VWA8: variants seen among roughly 807,000 people sequenced by gnomAD.
VWA8 encodes von Willebrand factor A domain containing 8, also known as von Willebrand factor A domain-containing protein 8.
VWA8 carries 221 observed loss-of-function variants against 241.5 expected under a neutral mutation model. That is an observed-to-expected ratio of 0.91 (90% CI 0.82 to 1.02). The LOEUF (loss-of-function observed/expected upper bound fraction) is 1.02, where lower values mean the gene tolerates loss of function less well. VWA8 is among the 50% of genes least tolerant of loss of function. The pLI is 0.00. For missense variants in VWA8, 2,322 were observed against 2,328.7 expected, an observed-to-expected ratio of 1.00 and a Z score of 0.06; for synonymous variants, 852 against 827.1, an observed-to-expected ratio of 1.03 and a Z score of -0.52.
chr13:41,641,514 G>A (rs1264293178), intron 37 of VWA8, among the ~76,000 whole-genome samples: 4 of 151,474 alleles, frequency 2.6e-5, no homozygotes, highest in Non-Finnish European at 5.9e-5. Context: ...TACATAGTAT[G>A]TCTGGAGTTC....
chr13:41,794,222 T>C (rs1869586891), intron 17 of VWA8, among the ~76,000 whole-genome samples: 1 of 152,210 alleles, frequency 6.6e-6, no homozygotes. Flanking sequence ...ATAAATTACT[T>C]TGGGAAGTAT....
chr13:41,739,855 T>G (rs1286349667), intron 21 of VWA8, among the ~76,000 whole-genome samples: 4 of 59,718 alleles, frequency 6.7e-5, no homozygotes, highest in East Asian at 5.0e-4. Flanking sequence ...TTTGTTTTTT[T>G]TGTTTTTTTT....
chr13:41,617,699 C>T (rs1046059963), intron 37 of VWA8, among the ~76,000 whole-genome samples: 1 of 151,902 alleles, frequency 6.6e-6, no homozygotes, highest in African/African-American at 2.4e-5. Context: ...TCCAAGTGTT[C>T]TCATTGTTCA....
At position 41,961,091 on chromosome 13, in the gene VWA8, G is replaced by C; in HGVS notation, c.-76C>G. 6 of 1,281,066 alleles carry C rather than the reference G, an allele frequency of 4.7e-6. No homozygotes were observed. The highest frequency in any genetic ancestry group is 6.0e-6 in the Non-Finnish European group (6 of 996,278). The allele number at this position is 1,281,066 out of a possible 1,614,324, so 79.4% of individuals were successfully genotyped here. A position where few individuals can be genotyped will look rare whatever the true frequency, so the allele number is the denominator to read the frequency against. On this transcript the variant is annotated 5_prime_UTR_variant, in exon 1 of 45. Coordinates refer to ENST00000379310, the MANE Select transcript of VWA8 (RefSeq NM_015058.2). ...CGTCCCGTGCAGGCACCGTGAGGCAGCGCGGAGAAGGGGACAGGAAGCGGC... is the reference window on the plus strand; with the variant it reads ...CGTCCCGTGCAGGCACCGTGAGGCACCGCGGAGAAGGGGACAGGAAGCGGC...
intron 20 of VWA8, among the ~76,000 whole-genome samples, chr13:41,770,979 GA>G (rs985742975): frequency 6.7e-6 from 1 of 148,554 alleles, no homozygotes; most frequent in Non-Finnish European, 1.5e-5. Flanking sequence ...AAATGATTGT[GA>G]ATTATTAATT....
chr13:41,696,698 A>G (rs2045217686), intron 29 of VWA8, among the ~76,000 whole-genome samples: 1 of 152,244 alleles, frequency 6.6e-6, no homozygotes. Context: ...AATCTCTTAC[A>G]TGTTATGTCA....
intron 10 of VWA8, among the ~76,000 whole-genome samples, chr13:41,867,326 T>C (rs566844804): frequency 2.0e-5 from 3 of 152,282 alleles, no homozygotes; most frequent in South Asian, 2.1e-4. Context: ...CTTCTCCATA[T>C]CCCCAGTCAT....
chr13:41,901,893 T>TAC (rs1875464195), intron 4 of VWA8, among the ~76,000 whole-genome samples: 1 of 78,930 alleles, frequency 1.3e-5, no homozygotes, highest in African/African-American at 4.3e-5. Context: ...AAAAAAAATA[T>TAC]ATATATATAT....
intron 1 of VWA8, among the ~76,000 whole-genome samples, chr13:41,959,565 G>C (rs1174259273): frequency 7.3e-6 from 1 of 136,642 alleles, no homozygotes; most frequent in East Asian, 2.2e-4. Context: ...GGTGGTGTAT[G>C]TCTTCAATGA....
chr13:41,947,003 C>T (rs544975728), intron 2 of VWA8, among the ~76,000 whole-genome samples: 4 of 152,298 alleles, frequency 2.6e-5, no homozygotes, highest in East Asian at 1.9e-4. Context: ...CCCAGCCTGT[C>T]GTCAGCAAGA....
At chr13:41,891,304 G>C in intron 5 of VWA8, 116 bp downstream of exon 5, 11 of 1,257,738 alleles carry the variant, frequency 8.7e-6, no homozygotes, top group East Asian at 2.3e-5. Flanking sequence ...ATTTACCCAA[G>C]ATAAGGGCCA....
chr13:41,840,626 G>A (rs1008509927), intron 12 of VWA8, among the ~76,000 whole-genome samples: 5 of 151,944 alleles, frequency 3.3e-5, no homozygotes, highest in Admixed American at 6.6e-5. Flanking sequence ...AGATATGGTG[G>A]TGCACACCTG....
intron 37 of VWA8, among the ~76,000 whole-genome samples, chr13:41,621,341 C>T (rs944500705): frequency 3.3e-5 from 5 of 152,150 alleles, no homozygotes; most frequent in African/African-American, 1.2e-4. Flanking sequence ...AACACATTTT[C>T]AGCTTACCAT....
intron 15 of VWA8, among the ~76,000 whole-genome samples, chr13:41,817,273 A>C (rs1360414224): frequency 6.6e-6 from 1 of 152,200 alleles, no homozygotes; most frequent in African/African-American, 2.4e-5. Flanking sequence ...ATTTTTCCAA[A>C]AACATGTAAA....
In VWA8 at chr13:41,582,035, C is replaced by T. The variant is rs530881236; in HGVS notation, c.5271+5477G>A. On this transcript the variant is annotated intron_variant, in intron 42 of 44. Coordinates refer to ENST00000379310, the MANE Select transcript of VWA8 (RefSeq NM_015058.2). ...TGAACACTAAGAATGATGCTGACTA[C>T]AAGAGTAGAGGAGCTTATGCTGATT... Among the ~76,000 whole-genome samples the T allele has an allele frequency of 3.4e-4, 52 of 152,314 alleles. 1 individual carries two copies. The South Asian group carries it at 0.011, about 31-fold the overall frequency.
intron 12 of VWA8, among the ~76,000 whole-genome samples, chr13:41,854,510 A>T (rs996399210): frequency 3.0e-4 from 45 of 150,084 alleles, no homozygotes; most frequent in Non-Finnish European, 4.7e-4. Context: ...TTTTATATAT[A>T]TTTTCCTATT....
At chr13:41,916,624 T>G (rs984949559) in intron 2 of VWA8, among the ~76,000 whole-genome samples, 1 of 152,218 alleles carries the variant, frequency 6.6e-6, no homozygotes, top group African/African-American at 2.4e-5. Flanking sequence ...AAAAAGCATG[T>G]CTATATTTAA....
intron 14 of VWA8, among the ~76,000 whole-genome samples, chr13:41,826,436 A>G (rs1871170959): frequency 6.6e-6 from 1 of 152,232 alleles, no homozygotes; most frequent in South Asian, 2.1e-4. Context: ...ACATCTAAAT[A>G]ATAAAAGGTA....
intron 20 of VWA8, among the ~76,000 whole-genome samples, chr13:41,764,683 T>C (rs181957944): frequency 6.6e-6 from 1 of 152,096 alleles, no homozygotes; most frequent in African/African-American, 2.4e-5. Flanking sequence ...TGGGTAACAG[T>C]CAGTTGGAGA....
Sources: allele counts gnomAD v4.1 joint callset (sites outside exome capture counted in the v4.1 genomes callset), GRCh38; gene constraint gnomAD v4.1.1; transcripts MANE v1.5; gene names NCBI Gene and HGNC (gene_info 2026-07-23, HGNC 2026-07-21).